CEP112: variants seen among roughly 807,000 people sequenced by gnomAD.
CEP112 encodes centrosomal protein of 112 kDa.
A neutral mutation model predicts 153.0 loss-of-function variants in CEP112; 127 were observed. The ratio of observed to expected loss-of-function variants is 0.83; its 90% confidence interval spans 0.72 to 0.96. The LOEUF is 0.96. Ranked by LOEUF, CEP112 falls within the 40% of genes least tolerant of loss-of-function variation. CEP112 has a pLI of 0.00. For synonymous variants in CEP112, 358 were observed against 374.4 expected (o/e 0.96, Z 0.51); for missense variants, 1,089 against 1,101.2 (o/e 0.99, Z 0.16).
At chr17:65,899,805 G>A (rs1449128516) in intron 20 of CEP112, among the ~76,000 whole-genome samples, 1 of 151,998 alleles carries the variant, frequency 6.6e-6, no homozygotes, top group Non-Finnish European at 1.5e-5. Context: ...AACTAGAATA[G>A]CCACACATTA....
intron 12 of CEP112, among the ~76,000 whole-genome samples, chr17:66,037,326 T>A (rs969336896): frequency 2.0e-5 from 3 of 152,074 alleles, no homozygotes; most frequent in Non-Finnish European, 1.5e-5. Flanking sequence ...CATTTCAATA[T>A]CCATCCACTC....
intron 23 of CEP112, among the ~76,000 whole-genome samples, chr17:65,714,569 A>C (rs2049388742): frequency 6.6e-6 from 1 of 152,128 alleles, no homozygotes; most frequent in Admixed American, 6.5e-5. Context: ...TAAAAATTAC[A>C]TGACTTTGCC....
At chr17:65,682,141 C>T (rs886690029) in intron 24 of CEP112, among the ~76,000 whole-genome samples, 1 of 151,732 alleles carries the variant, frequency 6.6e-6, no homozygotes, top group African/African-American at 2.4e-5. Context: ...TTATAGGCAC[C>T]TGCCACCGCG....
rs538115604 is a variant in CEP112, at chr17:66,132,721, G to A, written c.513C>T (p.Ser171=). 68 of 1,613,846 alleles carry A rather than the reference G, an allele frequency of 4.2e-5. No homozygotes were observed. The highest frequency in any genetic ancestry group is 2.0e-4 in the Admixed American group (12 of 60,002). Residue 171 remains serine, a synonymous_variant, in exon 5 of 27, where the codon TCC becomes TCT. Coordinates refer to ENST00000535342, the MANE Select transcript of CEP112 (RefSeq NM_001199165.4). ...CATCTTCTCTGTGAGTTGGACTCAA[G>A]GAGTGTGATCTCACTCGGAGCTTCC... ...YTGKLRVRSH[S]LSPTHREDGQ...
chr17:65,902,296 C>T lies in CEP112; in HGVS notation c.2019G>A (p.Thr673=), dbSNP rs1186027290. The change falls in exon 20 of 27, where the codon ACG becomes ACA. Residue 673 remains threonine, a synonymous_variant. Coordinates refer to ENST00000535342, the MANE Select transcript of CEP112 (RefSeq NM_001199165.4). ...ELKLEHEQEK[T]HLLQQHNAEK... The stretch of plus-strand genomic sequence containing the variant: ...CTGCGTTATGCTGCTGTAATAGGTG[C>T]GTCTTCTCCTGTTCATGCTCCAGCT... The T allele has an allele frequency of 1.2e-5, 19 of 1,613,404 alleles. No homozygotes were observed. Among genetic ancestry groups the T allele is most frequent in the Non-Finnish European group, 1.4e-5 (17 of 1,179,860 alleles).
intron 11 of CEP112, among the ~76,000 whole-genome samples, chr17:66,057,209 C>T (rs891556328): frequency 6.6e-6 from 1 of 152,112 alleles, no homozygotes; most frequent in Non-Finnish European, 1.5e-5. Flanking sequence ...TACAGGTGAT[C>T]TAGGCAAGAG....
intron 24 of CEP112, among the ~76,000 whole-genome samples, chr17:65,664,429 T>A (rs2046577763): frequency 6.6e-6 from 1 of 152,170 alleles, no homozygotes; most frequent in East Asian, 1.9e-4. Flanking sequence ...TAAGTGAGTG[T>A]GAGGCAGTTG....
At chr17:66,082,918 T>TA (rs1421252116) in intron 8 of CEP112, among the ~76,000 whole-genome samples, 1 of 152,056 alleles carries the variant, frequency 6.6e-6, no homozygotes, top group Non-Finnish European at 1.5e-5. Flanking sequence ...ATTTTACATA[T>TA]TTTACTCATG....
At chr17:66,029,288 T>C (rs2065359296) in intron 13 of CEP112, 36 bp from the exon 14 acceptor site, 3 of 1,571,130 alleles carry the variant, frequency 1.9e-6, no homozygotes. Flanking sequence ...TTTCAATGTA[T>C]TTAAAACCAA....
At chr17:65,891,113 A>G (rs547581082) in intron 20 of CEP112, among the ~76,000 whole-genome samples, 3 of 152,272 alleles carry the variant, frequency 2.0e-5, no homozygotes, top group East Asian at 1.9e-4. Flanking sequence ...TAGGAGCTCA[A>G]TGAATGCCAC....
intron 4 of CEP112, among the ~76,000 whole-genome samples, chr17:66,140,890 G>A (rs953547313): frequency 1.3e-5 from 2 of 151,978 alleles, no homozygotes; most frequent in Admixed American, 6.6e-5. Flanking sequence ...CAAGTGATCT[G>A]CCCGCCTCAG....
intron 19 of CEP112, among the ~76,000 whole-genome samples, chr17:65,913,253 T>C (rs1029762583): frequency 3.3e-5 from 5 of 152,194 alleles, no homozygotes; most frequent in African/African-American, 1.2e-4. Flanking sequence ...CACAGACTGA[T>C]TTTATATCCT....
chr17:66,028,932 G>A (rs906103959), intron 14 of CEP112, among the ~76,000 whole-genome samples, 191 bp downstream of exon 14: 1 of 152,048 alleles, frequency 6.6e-6, no homozygotes, highest in African/African-American at 2.4e-5. Context: ...TTTGTGTTGT[G>A]CTATATAGTA....
At chr17:65,763,507 T>C (rs911218903) in intron 21 of CEP112, among the ~76,000 whole-genome samples, 4 of 151,942 alleles carry the variant, frequency 2.6e-5, no homozygotes, top group African/African-American at 9.7e-5. Flanking sequence ...TTTTTTTCAG[T>C]CTTTTTTTTT....
At chr17:65,939,909 G>A (rs886465041) in intron 18 of CEP112, among the ~76,000 whole-genome samples, 1 of 151,972 alleles carries the variant, frequency 6.6e-6, no homozygotes, top group African/African-American at 2.4e-5. Context: ...AAACTAAAAT[G>A]TTTCTGCACA....
intron 21 of CEP112, among the ~76,000 whole-genome samples, chr17:65,840,343 C>A (rs2057471190): frequency 6.6e-6 from 1 of 151,882 alleles, no homozygotes. Flanking sequence ...GAATAGAGAA[C>A]CCACCACACC....
At chr17:65,798,304 A>G (rs540554329) in intron 21 of CEP112, among the ~76,000 whole-genome samples, 1 of 152,288 alleles carries the variant, frequency 6.6e-6, no homozygotes, top group South Asian at 2.1e-4. Flanking sequence ...ATCTTCTCAT[A>G]TGTATCTGAG....
intron 24 of CEP112, chr17:65,655,368 G>A (rs1053932311): frequency 3.9e-5 from 61 of 1,555,634 alleles, no homozygotes; most frequent in Non-Finnish European, 5.0e-5. Flanking sequence ...AGAAGACTAC[G>A]AAAGGAAGCT....
chr17:66,025,282 G>A (rs1343600485), intron 16 of CEP112, among the ~76,000 whole-genome samples: 1 of 151,916 alleles, frequency 6.6e-6, no homozygotes, highest in East Asian at 1.9e-4. Flanking sequence ...AGACAAATGG[G>A]ATTTAATTTT....
Sources: gnomAD v4.1 joint callset for allele counts (sites outside exome capture counted in the v4.1 genomes callset) on GRCh38, gnomAD v4.1.1 for gene constraint, MANE v1.5 for transcripts, NCBI Gene and HGNC (gene_info 2026-07-23, HGNC 2026-07-21) for gene names.